POGZ: variants seen among roughly 807,000 people sequenced by gnomAD.
POGZ encodes the protein pogo transposable element derived with ZNF domain.
A neutral mutation model predicts 134.6 loss-of-function variants in POGZ; 17 were observed. The observed-to-expected ratio is 0.13, with a 90% CI of 0.09 to 0.19. The LOEUF is 0.19. Ranked by LOEUF, POGZ falls within the 10% of genes least tolerant of loss-of-function variation. POGZ has a pLI of 1.00. For missense variants in POGZ, 1,306 were observed against 1,769.7 expected (o/e 0.74, Z 4.70); for synonymous variants, 693 against 657.1 (o/e 1.05, Z -0.84).
chr1:151,435,958 C>T (rs200347074), intron 3 of POGZ, among the ~76,000 whole-genome samples: 18 of 134,782 alleles, frequency 1.3e-4, no homozygotes, highest in South Asian at 2.3e-4. Flanking sequence ...ATTTTCTTTT[C>T]TTTTTTTTTT....
chr1:151,430,130 C>T (rs2102305287), intron 4 of POGZ, among the ~76,000 whole-genome samples: 1 of 152,218 alleles, frequency 6.6e-6, no homozygotes, highest in South Asian at 2.1e-4. Context: ...AGGCCATAAA[C>T]CTTTGGCAAA....
At position 151,429,723 on chromosome 1, in the gene POGZ, A is replaced by T; in HGVS notation, c.460-12T>A. On this transcript the variant is annotated splice_polypyrimidine_tract_variant and intron_variant, in intron 4 of 18. Transcript: ENST00000271715. ...CTTACAGGAAATCCCTGTATTAAAAAGCAAAATGATCTTTAACATGGAGAC... is the reference window on the plus strand; with the variant it reads ...CTTACAGGAAATCCCTGTATTAAAATGCAAAATGATCTTTAACATGGAGAC... 1 of 1,518,724 alleles carries T rather than the reference A, an allele frequency of 6.6e-7. No homozygotes were observed. The highest frequency in any genetic ancestry group is 2.3e-5 in the East Asian group (1 of 44,374). 94.1% of individuals were successfully genotyped at this position (1,518,724 alleles called of 1,614,324 possible). A position where few individuals can be genotyped will look rare whatever the true frequency, so the allele number is the denominator to read the frequency against.
chr1:151,411,558 G>T, intron 12 of POGZ, 67 bp downstream of exon 12: 1 of 1,151,754 alleles, frequency 8.7e-7, no homozygotes, highest in Non-Finnish European at 1.3e-6. Context: ...GCTCAGCCCT[G>T]GCCCCAGCAT....
chr1:151,410,000 T>C (rs4971042), intron 12 of POGZ, among the ~76,000 whole-genome samples: 97,769 of 152,126 alleles, frequency 0.64, 34,924 homozygotes, highest in Non-Finnish European at 0.82. Flanking sequence ...CAGCAGTCAC[T>C]ACTGTGCAAA....
In POGZ at chr1:151,428,331, T is replaced by C. The variant is rs1280827425; in HGVS notation, c.651A>G (p.Thr217=). ...SQMTPVRPGS[T]MPVRPTTNTF... is the part of the protein sequence containing the mutation. ...TGTTGGTGGTGGGCCTCACAGGCATTGTGGAGCCTGGCCTCACAGGGGTCA... is the reference window on the plus strand; with the variant it reads ...TGTTGGTGGTGGGCCTCACAGGCATCGTGGAGCCTGGCCTCACAGGGGTCA... Residue 217 remains threonine, a synonymous_variant, in exon 6 of 19, where the codon ACA becomes ACG. Coordinates refer to ENST00000271715, the MANE Select transcript of POGZ (RefSeq NM_015100.4). 1 of 1,613,960 alleles carries C rather than the reference T, an allele frequency of 6.2e-7. No homozygotes were observed. The highest frequency in any genetic ancestry group is 1.7e-5 in the Admixed American group (1 of 59,992).
At chr1:151,432,021 T>G (rs1658774799) in intron 3 of POGZ, among the ~76,000 whole-genome samples, 2 of 151,646 alleles carry the variant, frequency 1.3e-5, no homozygotes, top group Admixed American at 6.6e-5. Flanking sequence ...ATACAACAAT[T>G]AGCCAGGCAT....
intron 1 of POGZ, among the ~76,000 whole-genome samples, chr1:151,453,863 T>C (rs1662448414): frequency 6.6e-6 from 1 of 152,164 alleles, no homozygotes; most frequent in South Asian, 2.1e-4. Flanking sequence ...AAAGGCAAGA[T>C]AAAAACAGAC....
chr1:151,456,751 G>A (rs1436570559), intron 1 of POGZ, among the ~76,000 whole-genome samples: 1 of 152,096 alleles, frequency 6.6e-6, no homozygotes, highest in Non-Finnish European at 1.5e-5. Context: ...TCCGGAGTTC[G>A]AGACCAGCCT....
At chr1:151,413,103 C>CTT (rs34480197) in intron 10 of POGZ, among the ~76,000 whole-genome samples, 10 of 92,858 alleles carry the variant, frequency 1.1e-4, no homozygotes, top group East Asian at 3.0e-4. Flanking sequence ...CGTGCCTGGG[C>CTT]TTTTTTTTTT....
chr1:151,438,210 CA>C (rs551784951), intron 3 of POGZ, among the ~76,000 whole-genome samples: 4 of 139,992 alleles, frequency 2.9e-5, no homozygotes, highest in Non-Finnish European at 4.6e-5. Context: ...GACTCCATCT[CA>C]AAAAAAAACA....
At chr1:151,421,391 C>T (rs1656888348) in intron 10 of POGZ, among the ~76,000 whole-genome samples, 1 of 148,686 alleles carries the variant, frequency 6.7e-6, no homozygotes, top group South Asian at 2.1e-4. Flanking sequence ...GATAAGGGAG[C>T]GCTACTGTAT....
chr1:151,425,973 G>A (rs1450065765), intron 7 of POGZ, among the ~76,000 whole-genome samples: 2 of 152,132 alleles, frequency 1.3e-5, no homozygotes, highest in African/African-American at 4.8e-5. Flanking sequence ...TCCACCAACA[G>A]TGCGTAAGGG....
At position 151,408,439 on chromosome 1, in the gene POGZ, C is replaced by T. The variant is rs768866628; in HGVS notation, c.2204G>A (p.Arg735His). ...CCTAACAGCTCTCTTCTGGATGCTG[C>T]GCTGGACAGGGGGATAAAGGAAGAC... Reference protein sequence around the residue: ...LPVFLYPPVQRSIQKRAVRKM... With the variant: ...LPVFLYPPVQHSIQKRAVRKM... The change falls in exon 14 of 19, where the codon CGC becomes CAC. Residue 735 changes from arginine (R) to histidine (H), a missense_variant. Around this residue, in one of 10 missense-constraint regions of POGZ, gnomAD observed 149 missense variants for 237.5 expected, o/e 0.63. Transcript: ENST00000271715. The T allele has an allele frequency of 4.4e-6, 7 of 1,594,906 alleles. No individual in the cohort carries two copies. Among genetic ancestry groups the T allele is most frequent in the Non-Finnish European group, 6.0e-6 (7 of 1,175,270 alleles).
chr1:151,430,599 T>A, intron 4 of POGZ, 67 bp downstream of exon 4: 6 of 1,258,074 alleles, frequency 4.8e-6, no homozygotes, highest in Non-Finnish European at 6.8e-6. Flanking sequence ...AGACCCTAAG[T>A]CAGAGTTTTC....
chr1:151,408,207 G>A lies in POGZ; in HGVS notation c.2268C>T (p.Cys756=), dbSNP rs1654020116. 1 of 1,613,312 alleles carries A rather than the reference G, an allele frequency of 6.2e-7. No individual in the cohort carries two copies. The highest frequency in any genetic ancestry group is 2.2e-5 in the East Asian group (1 of 44,854). Residue 756 remains cysteine, a synonymous_variant, in exon 15 of 19, where the codon TGC becomes TGT. Transcript: ENST00000271715. ...TAGGGAAGTCTGGGATCTCGAAGCT[G>A]CACTCCAGGCATGTCTGCCGGCCCA... is the stretch of plus-strand genomic sequence containing the variant. The part of the protein sequence containing the change: ...SVMGRQTCLE[C]SFEIPDFPNH...
chr1:151,452,744 G>C (rs1662284302), intron 1 of POGZ, among the ~76,000 whole-genome samples: 1 of 151,746 alleles, frequency 6.6e-6, no homozygotes, highest in African/African-American at 2.4e-5. Flanking sequence ...GGTGCCTGCA[G>C]TCCCAGCTAC....
rs529041316 is a variant in POGZ at position 151,417,601 on chromosome 1, A to T, written c.1679-5205T>A. ...GGTCTTGAACTTCTGACCTTAGGTG[A>T]TCCGTCCGCCTCAGCCTCCCAAAGT... On this transcript the variant is annotated intron_variant, in intron 10 of 18. Transcript: ENST00000271715. Among the ~76,000 whole-genome samples the T allele has an allele frequency of 3.6e-4, 54 of 151,262 alleles. No homozygotes were observed. In the Middle Eastern group the frequency reaches 0.014, roughly 38 times the overall value.
At chr1:151,456,982 C>T (rs1662848798) in intron 1 of POGZ, among the ~76,000 whole-genome samples, 1 of 152,178 alleles carries the variant, frequency 6.6e-6, no homozygotes, top group African/African-American at 2.4e-5. Context: ...AGTAGTTTTA[C>T]CCAGCCTTGC....
intron 1 of POGZ, among the ~76,000 whole-genome samples, chr1:151,442,902 G>A (rs1048986067): frequency 1.3e-5 from 2 of 149,420 alleles, no homozygotes; most frequent in South Asian, 2.1e-4. Flanking sequence ...GCTGGCAGGC[G>A]CCTGTAATCC....
Sources: allele counts gnomAD v4.1 joint callset (sites outside exome capture counted in the v4.1 genomes callset), GRCh38; gene constraint gnomAD v4.1.1; regional missense constraint gnomAD v4.1.1; transcripts MANE v1.5; gene names NCBI Gene and HGNC (gene_info 2026-07-23, HGNC 2026-07-21).